Variants in SHANK2 observed in about 807,000 individuals in gnomAD.
SHANK2 encodes the protein SH3 and multiple ankyrin repeat domains protein 2.
SHANK2 carries 43 observed loss-of-function variants against 133.7 expected under a neutral mutation model. The ratio of observed to expected loss-of-function variants is 0.32; its 90% confidence interval spans 0.25 to 0.41. The LOEUF (loss-of-function observed/expected upper bound fraction) is 0.41. Among genes scored for constraint, SHANK2 ranks in the 10% least tolerant of loss-of-function variants. The pLI is 1.00. For missense variants in SHANK2, 1,994 were observed against 2,235.8 expected, an observed-to-expected ratio of 0.89 and a Z score of 2.18; for synonymous variants, 1,017 against 952.8, an observed-to-expected ratio of 1.07 and a Z score of -1.24.
At chr11:70,632,963 T>C (rs915482364) in intron 17 of SHANK2, among the ~76,000 whole-genome samples, 2 of 151,834 alleles carry the variant, frequency 1.3e-5, no homozygotes, top group Admixed American at 1.3e-4. Flanking sequence ...CGTTGATGGA[T>C]ACGGGGCAGG....
chr11:71,233,271 G>A (rs1454580481), intron 1 of SHANK2, among the ~76,000 whole-genome samples: 1 of 152,160 alleles, frequency 6.6e-6, no homozygotes, highest in Non-Finnish European at 1.5e-5. Flanking sequence ...CCTTAAAATG[G>A]AACGTGATTC....
chr11:70,911,927 C>T (rs1177797014), intron 10 of SHANK2, among the ~76,000 whole-genome samples: 3 of 151,468 alleles, frequency 2.0e-5, no homozygotes, highest in African/African-American at 4.8e-5. Flanking sequence ...ACTAAAAATA[C>T]AAAAATCAGC....
intron 22 of SHANK2, among the ~76,000 whole-genome samples, chr11:70,491,469 G>A (rs1358049251): frequency 1.3e-5 from 2 of 152,228 alleles, no homozygotes; most frequent in African/African-American, 4.8e-5. Flanking sequence ...ATGGGAGGAG[G>A]TGTGAGGGCA....
chr11:71,187,306 T>G (rs1953693658), intron 2 of SHANK2, among the ~76,000 whole-genome samples: 1 of 152,176 alleles, frequency 6.6e-6, no homozygotes, highest in African/African-American at 2.4e-5. Context: ...GTTTCTCATG[T>G]TTTATTCAGG....
intron 11 of SHANK2, among the ~76,000 whole-genome samples, chr11:70,845,573 G>T (rs1206495494): frequency 6.6e-6 from 1 of 152,094 alleles, no homozygotes; most frequent in East Asian, 1.9e-4. Flanking sequence ...GGGTGGGGAT[G>T]CCTCCAAACC....
At chr11:71,097,433 C>G (rs1027431959) in intron 6 of SHANK2, among the ~76,000 whole-genome samples, 19 of 152,232 alleles carry the variant, frequency 1.2e-4, no homozygotes, top group African/African-American at 3.4e-4. Flanking sequence ...ATTCTTAAGA[C>G]TATTCCTCAG....
At chr11:71,226,020 G>A (rs572543922) in intron 1 of SHANK2, among the ~76,000 whole-genome samples, 298 of 152,296 alleles carry the variant, frequency 2.0e-3, no homozygotes, top group Non-Finnish European at 3.2e-3. Context: ...TACTCAGGAG[G>A]CTGAGGCAGG....
intron 14 of SHANK2, among the ~76,000 whole-genome samples, chr11:70,736,575 G>A (rs1378274721): frequency 6.6e-6 from 1 of 152,212 alleles, no homozygotes; most frequent in East Asian, 1.9e-4. Context: ...CCACCAGGAG[G>A]TGGACGAGGC....
At chr11:70,812,900 T>G (rs1318937043) in intron 12 of SHANK2, among the ~76,000 whole-genome samples, 2 of 152,126 alleles carry the variant, frequency 1.3e-5, no homozygotes, top group African/African-American at 4.8e-5. Flanking sequence ...AATGAAAAAA[T>G]TGGTAATCTT....
intron 12 of SHANK2, among the ~76,000 whole-genome samples, chr11:70,809,639 G>C (rs1948237399): frequency 1.3e-5 from 2 of 152,180 alleles, no homozygotes; most frequent in Non-Finnish European, 2.9e-5. Context: ...GAGGAGCCAG[G>C]GCTCCATGTA....
Position 70,486,904 on chromosome 11 carries a change from C to G in SHANK2, c.3389G>C (p.Gly1130Ala). 1 of 1,612,668 alleles carries G rather than the reference C, an allele frequency of 6.2e-7. No homozygotes were observed. Among genetic ancestry groups the G allele is most frequent in the Non-Finnish European group, 8.5e-7 (1 of 1,179,838 alleles). The change falls in exon 25 of 26, where the codon GGG becomes GCG. Residue 1130 changes from glycine to alanine, a missense_variant. By Grantham distance (60) the Gly-to-Ala change is moderately conservative (BLOSUM62 0). Around this residue, in one of 5 missense-constraint regions of SHANK2, gnomAD observed 797 missense variants for 907.4 expected, o/e 0.88. Transcript: ENST00000601538. The surrounding 1 kb of genome is among the most constrained non-coding windows in gnomAD (Gnocchi z 8.0). ...RTRPSMFPEE[G>A]DFADEDSAEQ... ...AGCGCTGTCCTCGTCAGCAAAATCC[C>G]CCTCCTCGGGGAACATGGAGGGCCG...
At chr11:71,193,590 C>A (rs1289989481) in intron 2 of SHANK2, among the ~76,000 whole-genome samples, 1 of 152,186 alleles carries the variant, frequency 6.6e-6, no homozygotes, top group East Asian at 1.9e-4. Flanking sequence ...ACCAGAGTCC[C>A]CATCCCATGT....
chr11:70,526,427 C>T (rs2059397773), intron 17 of SHANK2, among the ~76,000 whole-genome samples: 1 of 152,212 alleles, frequency 6.6e-6, no homozygotes, highest in Admixed American at 6.5e-5. Context: ...GTCCCTGCTT[C>T]ACCTTTCCAC....
At chr11:70,917,925 T>A (rs565776806) in intron 10 of SHANK2, among the ~76,000 whole-genome samples, 1 of 152,144 alleles carries the variant, frequency 6.6e-6, no homozygotes, top group Non-Finnish European at 1.5e-5. Flanking sequence ...AATACCTGGT[T>A]GATGAAATAA....
intron 17 of SHANK2, among the ~76,000 whole-genome samples, chr11:70,521,027 G>A (rs2059323746): frequency 6.6e-6 from 1 of 152,156 alleles, no homozygotes; most frequent in African/African-American, 2.4e-5. Flanking sequence ...TGGCTCCTGA[G>A]CCCATCACAT....
rs980765363 is a variant in SHANK2 at position 70,931,054 on chromosome 11, A to G, written c.1108-34487T>C. Among the ~76,000 whole-genome samples the G allele has an allele frequency of 5.9e-5, 9 of 152,260 alleles. No individual in the cohort carries two copies. In the South Asian group the frequency reaches 1.9e-3, roughly 32 times the overall value. On this transcript the variant is annotated intron_variant, in intron 10 of 25. Transcript: ENST00000601538. ...CAGCCATGAAAGGGAATGAAGCCCC[A>G]ACACACGCTAACACATGGATGAGAC...
At chr11:70,930,653 C>T (rs1213006345) in intron 10 of SHANK2, among the ~76,000 whole-genome samples, 1 of 138,514 alleles carries the variant, frequency 7.2e-6, no homozygotes, top group African/African-American at 2.8e-5. Flanking sequence ...GTTTTTATTT[C>T]TTTGTCTTTT....
intron 14 of SHANK2, among the ~76,000 whole-genome samples, chr11:70,738,079 C>G (rs781876278): frequency 3.3e-5 from 5 of 152,284 alleles, no homozygotes; most frequent in African/African-American, 4.8e-5. Flanking sequence ...GTGGCAAGAG[C>G]TCCCTTGCAT....
rs11271716 is a variant in SHANK2 at position 71,163,097 on chromosome 11, C to CATATAT, written c.-12-15765_-12-15760dup. Among the ~76,000 whole-genome samples the CATATAT allele has an allele frequency of 2.7e-4, 27 of 100,108 alleles. 1 individual carries two copies. Among genetic ancestry groups the CATATAT allele is most frequent in the Non-Finnish European group, 3.5e-4 (18 of 50,870 alleles). The allele number at this position is 100,108 out of a possible 152,430, so 65.7% of individuals were successfully genotyped here. On this transcript the variant is annotated intron_variant, in intron 2 of 25. Transcript: ENST00000601538. ...AAAAAAAAAAAAAAAAAAAAAAATACATATATATATATATACAGAATAGAA... is the reference window on the plus strand; with the variant it reads ...AAAAAAAAAAAAAAAAAAAAAAATACATATATATATATATATATATACAGAATAGAA...
Sources: allele counts gnomAD v4.1 joint callset (sites outside exome capture counted in the v4.1 genomes callset), GRCh38; gene constraint gnomAD v4.1.1; regional missense constraint gnomAD v4.1.1; non-coding constraint Gnocchi (gnomAD v3.1); transcripts MANE v1.5; gene names NCBI Gene and HGNC (gene_info 2026-07-23, HGNC 2026-07-21).